Variants in KPNA7 observed in about 807,000 individuals in gnomAD.
KPNA7 encodes karyopherin subunit alpha 7.
KPNA7 carries 54 observed loss-of-function variants against 53.7 expected under a neutral mutation model. The ratio of observed to expected loss-of-function variants is 1.01; its 90% CI spans 0.81 to 1.26. KPNA7 has a LOEUF of 1.26. Among genes scored for constraint, KPNA7 ranks in the 50% most tolerant of loss-of-function variants. KPNA7 has a pLI of 0.00. For missense variants in KPNA7, 640 were observed against 644.5 expected (o/e 0.99, Z 0.07); for synonymous variants, 276 against 259.3 (o/e 1.06, Z -0.62).
At chr7:99,151,676 CA>C in the KPNA7 span, among the ~76,000 whole-genome samples, 1 of 151,866 alleles carries the variant, frequency 6.6e-6, no homozygotes, top group Non-Finnish European at 1.5e-5. Context: ...AGGCTGGTCT[CA>C]AACCCATGGG....
At chr7:99,203,604 C>T (rs796077441) in intron 2 of KPNA7, among the ~76,000 whole-genome samples, 9 of 152,070 alleles carry the variant, frequency 5.9e-5, no homozygotes, top group African/African-American at 2.2e-4. Context: ...CTGAATGTAC[C>T]CAGGCCTTTT....
At chr7:99,148,019 T>TA in the KPNA7 span, among the ~76,000 whole-genome samples, 2,403 of 141,424 alleles carry the variant, frequency 0.017, 25 homozygotes, top group African/African-American at 0.022. Context: ...CCCATGTCTT[T>TA]AAAAAAAAAA....
At chr7:99,168,134 T>A in the KPNA7 span, among the ~76,000 whole-genome samples, 1 of 152,298 alleles carries the variant, frequency 6.6e-6, no homozygotes, top group Admixed American at 6.5e-5. Flanking sequence ...GAACTTGACT[T>A]ACCTTACATT....
chr7:99,204,563 C>T (rs1194184704), intron 2 of KPNA7, among the ~76,000 whole-genome samples: 1 of 152,136 alleles, frequency 6.6e-6, no homozygotes, highest in Non-Finnish European at 1.5e-5. Context: ...GTTCTTTAAG[C>T]TACTTAATTC....
At chr7:99,151,036 C>T in the KPNA7 span, among the ~76,000 whole-genome samples, 35 of 152,284 alleles carry the variant, frequency 2.3e-4, no homozygotes, top group Non-Finnish European at 4.9e-4. Context: ...TTCACAGAAA[C>T]AAATTAAATT....
In KPNA7 at chr7:99,188,557, A is replaced by G. The variant is rs1228660764; in HGVS notation, c.643T>C (p.Phe215Leu). 6.4e-7 allele frequency: 1 copy of G among 1,551,274 alleles called. No homozygotes were observed. Among genetic ancestry groups the G allele is most frequent in the Non-Finnish European group, 8.7e-7 (1 of 1,146,594 alleles). The change falls in exon 7 of 11, where the codon TTT becomes CTT. Residue 215 changes from phenylalanine to leucine, a missense_variant. Transcript: ENST00000327442. The part of the protein sequence containing the change: ...ALISPTLPIT[F>L]LRNITWTLSN... The stretch of plus-strand genomic sequence containing the variant: ...AAGGTCCACGTGATGTTCCGCAGAA[A>G]TGTGATCTGTAACAAGGAGACTGCC...
chr7:99,217,859 G>A (rs1283299028), intron 1 of KPNA7, among the ~76,000 whole-genome samples: 1 of 152,002 alleles, frequency 6.6e-6, no homozygotes, highest in Non-Finnish European at 1.5e-5. Flanking sequence ...TGGAACTCCT[G>A]GCCTCAAGCA....
the KPNA7 span, among the ~76,000 whole-genome samples, chr7:99,160,029 T>TTTG: frequency 2.1e-5 from 3 of 140,964 alleles, no homozygotes; most frequent in Non-Finnish European, 4.6e-5. Flanking sequence ...TTTTTTTTTT[T>TTTG]TTTTTTTTTT....
At chr7:99,173,952 A>G (rs772905499) in intron 10 of KPNA7, among the ~76,000 whole-genome samples, 158 bp from the exon 11 acceptor site, 24 of 151,984 alleles carry the variant, frequency 1.6e-4, no homozygotes, top group Non-Finnish European at 2.5e-4. Flanking sequence ...TTGCGCAACC[A>G]TCACCACCAC....
At chr7:99,186,881 T>C (rs2150729709) in intron 7 of KPNA7, among the ~76,000 whole-genome samples, 1 of 152,280 alleles carries the variant, frequency 6.6e-6, no homozygotes, top group Middle Eastern at 3.4e-3. Flanking sequence ...CTGCAGAATA[T>C]GCAATATTAG....
chr7:99,165,422 G>A, the KPNA7 span, among the ~76,000 whole-genome samples: 1 of 152,128 alleles, frequency 6.6e-6, no homozygotes, highest in Non-Finnish European at 1.5e-5. Context: ...ATCTCCATAT[G>A]GGATGGCACA....
chr7:99,157,257 T>C, the KPNA7 span, among the ~76,000 whole-genome samples: 1 of 152,206 alleles, frequency 6.6e-6, no homozygotes, highest in Non-Finnish European at 1.5e-5. Context: ...TTGCCCAGGC[T>C]GGAGTGCAAT....
At chr7:99,191,804 C>CT (rs1191208922) in intron 6 of KPNA7, among the ~76,000 whole-genome samples, 4 of 152,126 alleles carry the variant, frequency 2.6e-5, no homozygotes, top group African/African-American at 9.7e-5. Flanking sequence ...AACGTGCCAC[C>CT]ATGCCTGGCT....
chr7:99,164,955 G>GT, the KPNA7 span, among the ~76,000 whole-genome samples: 12,820 of 151,952 alleles, frequency 0.084, 744 homozygotes, highest in East Asian at 0.17. Flanking sequence ...AAAGTAGCCG[G>GT]GTATGGCAGT....
At chr7:99,218,256 G>A (rs1791262133) in intron 1 of KPNA7, among the ~76,000 whole-genome samples, 2 of 152,100 alleles carry the variant, frequency 1.3e-5, no homozygotes, top group South Asian at 4.1e-4. Flanking sequence ...TGAGTAGCTA[G>A]GACTACAGGT....
At chr7:99,217,348 G>T (rs1791241005) in intron 1 of KPNA7, among the ~76,000 whole-genome samples, 1 of 152,164 alleles carries the variant, frequency 6.6e-6, no homozygotes, top group South Asian at 2.1e-4. Flanking sequence ...TGTATGTTCA[G>T]ATCTGCATCA....
At chr7:99,159,402 G>A in the KPNA7 span, among the ~76,000 whole-genome samples, 2 of 151,646 alleles carry the variant, frequency 1.3e-5, no homozygotes, top group African/African-American at 2.4e-5. Context: ...GCTGCCAGGT[G>A]GGGCAGGGGG....
chr7:99,174,513 G>A (rs1276458342), intron 10 of KPNA7, among the ~76,000 whole-genome samples: 1 of 152,050 alleles, frequency 6.6e-6, no homozygotes, highest in African/African-American at 2.4e-5. Context: ...AAAACGTTGG[G>A]ATCACTGTAT....
At chr7:99,162,643 G>C in the KPNA7 span, among the ~76,000 whole-genome samples, 1 of 152,060 alleles carries the variant, frequency 6.6e-6, no homozygotes, top group Non-Finnish European at 1.5e-5. Context: ...GCTTTGTCAT[G>C]CAAAGAGAAG....
Sources: allele counts gnomAD v4.1 joint callset (sites outside exome capture counted in the v4.1 genomes callset), GRCh38; gene constraint gnomAD v4.1.1; transcripts MANE v1.5; gene names NCBI Gene and HGNC (gene_info 2026-07-23, HGNC 2026-07-21).